Variants in CUL5 observed in about 807,000 individuals in gnomAD.
CUL5 encodes the protein cullin 5.
CUL5 carries 26 observed loss-of-function variants against 108.8 expected under a neutral mutation model. The ratio of observed to expected loss-of-function variants is 0.24; its 90% confidence interval spans 0.18 to 0.33. The LOEUF (loss-of-function observed/expected upper bound fraction) is 0.33, where lower values mean the gene tolerates loss of function less well. Among genes scored for constraint, CUL5 ranks in the 10% least tolerant of loss-of-function variants. The pLI, the probability that CUL5 is intolerant of heterozygous loss-of-function variation, is 1.00. For synonymous variants in CUL5, 334 were observed against 298.0 expected (o/e 1.12, Z -1.25); for missense variants, 524 against 909.2 (o/e 0.58, Z 5.45).
rs1344122720 is a variant in CUL5, at chr11:108,104,213, A to G, written c.2172A>G (p.Lys724=). Residue 724 remains lysine (K), a synonymous_variant, in exon 19 of 19, where the codon AAA becomes AAG. Coordinates refer to ENST00000393094, the MANE Select transcript of CUL5 (RefSeq NM_003478.6). ...RTQEAIIQIM[K]MRKKISNAQL... ...AGGAAGCTATCATACAAATAATGAA[A>G]ATGAGAAAGAAAATTAGTAATGCTC... 1 of 1,579,636 alleles carries G rather than the reference A, an allele frequency of 6.3e-7. No individual in the cohort carries two copies. The highest frequency in any genetic ancestry group is 1.2e-5 in the South Asian group (1 of 84,332).
chr11:108,069,606 A>C (rs1294919008), intron 7 of CUL5, among the ~76,000 whole-genome samples: 1 of 152,166 alleles, frequency 6.6e-6, no homozygotes, highest in Non-Finnish European at 1.5e-5. Flanking sequence ...ATATTTAGTT[A>C]GCAGTGTAGG....
chr11:108,037,476 A>G (rs1201278528), intron 2 of CUL5, among the ~76,000 whole-genome samples: 2 of 152,206 alleles, frequency 1.3e-5, no homozygotes, highest in Admixed American at 6.5e-5. Flanking sequence ...ATTCATGGCT[A>G]TGAATTATTA....
Position 108,008,998 on chromosome 11 carries a change from C to T in CUL5, c.-351C>T, listed in dbSNP as rs1410615975. 1.6e-5 allele frequency: 5 copies of T among 308,702 alleles called. No homozygotes were observed. The highest frequency in any genetic ancestry group is 6.5e-5 in the African/African-American group (3 of 46,300). 19.1% of individuals were successfully genotyped at this position (308,702 alleles called of 1,614,324 possible). ...TGCAGGTGGCCGCGGCGGGTGCAAC[C>T]ACAAAGGCTAATCCGAAGGAGTCGG... On this transcript the variant is annotated 5_prime_UTR_variant, in exon 1 of 19. Transcript: ENST00000393094.
chr11:108,018,521 A>G (rs1453427174), intron 1 of CUL5, among the ~76,000 whole-genome samples: 1 of 149,472 alleles, frequency 6.7e-6, no homozygotes, highest in Admixed American at 6.6e-5. Context: ...AAAAAAATAC[A>G]AAAATTAGCT....
At chr11:108,069,263 T>C (rs576175226) in intron 7 of CUL5, among the ~76,000 whole-genome samples, 1 of 152,210 alleles carries the variant, frequency 6.6e-6, no homozygotes, top group East Asian at 1.9e-4. Flanking sequence ...AGAGCAAGAC[T>C]CTGTCTCTTA....
At position 108,104,571 on chromosome 11, in the gene CUL5, T is replaced by G; in HGVS notation, c.*187T>G. ...AGTTAGCATGATGGCATTCCCTTCATGTTGCACACTCTTTGACAGCATGCT... is the reference window on the plus strand; with the variant it reads ...AGTTAGCATGATGGCATTCCCTTCAGGTTGCACACTCTTTGACAGCATGCT... On this transcript the variant is annotated 3_prime_UTR_variant, in exon 19 of 19. Coordinates refer to ENST00000393094, the MANE Select transcript of CUL5 (RefSeq NM_003478.6). 2.2e-6 allele frequency: 1 copy of G among 450,110 alleles called. No individual in the cohort carries two copies. Among genetic ancestry groups the G allele is most frequent in the Non-Finnish European group, 3.9e-6 (1 of 256,726 alleles). 27.9% of individuals were successfully genotyped at this position (450,110 alleles called of 1,614,324 possible). A position where few individuals can be genotyped will look rare whatever the true frequency, so the allele number is the denominator to read the frequency against.
chr11:108,011,773 G>A (rs904935066), intron 1 of CUL5, among the ~76,000 whole-genome samples: 3 of 151,992 alleles, frequency 2.0e-5, no homozygotes, highest in Non-Finnish European at 4.4e-5. Context: ...GACTACAGGC[G>A]CACGCCACCA....
At chr11:108,072,589 G>T in intron 9 of CUL5, 127 bp downstream of exon 9, 1 of 643,506 alleles carries the variant, frequency 1.6e-6, no homozygotes, top group Non-Finnish European at 2.5e-6. Context: ...TGGTTAGTGG[G>T]GTATAAAGTT....
chr11:108,031,806 T>C (rs1301313405), intron 1 of CUL5, among the ~76,000 whole-genome samples: 2 of 152,178 alleles, frequency 1.3e-5, no homozygotes, highest in Non-Finnish European at 1.5e-5. Context: ...AAAGAAAATG[T>C]GGTACATATA....
intron 7 of CUL5, 72 bp from the exon 8 acceptor site, chr11:108,070,024 T>C: frequency 1.1e-6 from 1 of 943,436 alleles, no homozygotes; most frequent in Non-Finnish European, 1.6e-6. Flanking sequence ...AATATTGTTT[T>C]ATTTTGTGAG....
intron 18 of CUL5, among the ~76,000 whole-genome samples, chr11:108,103,219 GA>G (rs1320749618): frequency 6.6e-6 from 1 of 152,134 alleles, no homozygotes; most frequent in Non-Finnish European, 1.5e-5. Flanking sequence ...AAATCATCAA[GA>G]AAAATTTTGA....
At chr11:108,028,923 G>C (rs1862512453) in intron 1 of CUL5, among the ~76,000 whole-genome samples, 1 of 152,094 alleles carries the variant, frequency 6.6e-6, no homozygotes, top group African/African-American at 2.4e-5. Context: ...CTTTATAATG[G>C]CCTTCAGGGT....
At chr11:108,061,263 A>G (rs1349448832) in intron 7 of CUL5, among the ~76,000 whole-genome samples, 1 of 152,254 alleles carries the variant, frequency 6.6e-6, no homozygotes, top group African/African-American at 2.4e-5. Context: ...GTATATAGTA[A>G]TTTGGTAAAT....
At chr11:108,024,021 A>G (rs187249832) in intron 1 of CUL5, among the ~76,000 whole-genome samples, 1 of 152,298 alleles carries the variant, frequency 6.6e-6, no homozygotes, top group Admixed American at 6.5e-5. Flanking sequence ...AATTTTTATA[A>G]TCATAGATCT....
Position 108,081,090 on chromosome 11 carries a change from C to T in CUL5, c.1178+2850C>T, listed in dbSNP as rs537996233. Among the ~76,000 whole-genome samples the T allele has an allele frequency of 3.3e-5, 5 of 152,032 alleles. No individual in the cohort carries two copies. The South Asian group carries it at 1.0e-3, about 32-fold the overall frequency. On this transcript the variant is annotated intron_variant, in intron 11 of 18. Coordinates refer to ENST00000393094, the MANE Select transcript of CUL5 (RefSeq NM_003478.6). Reference sequence around the variant, plus strand: ...TCACTTGAGGTCAGGAGTTCAAGACCAGCCTGGCCAAGATGGTGAAACCCT... The same window carrying T: ...TCACTTGAGGTCAGGAGTTCAAGACTAGCCTGGCCAAGATGGTGAAACCCT...
intron 1 of CUL5, among the ~76,000 whole-genome samples, chr11:108,016,347 G>C (rs1862190305): frequency 6.6e-6 from 1 of 152,034 alleles, no homozygotes; most frequent in South Asian, 2.1e-4. Context: ...GCTCCCTACA[G>C]CCTTGACCTC....
intron 1 of CUL5, among the ~76,000 whole-genome samples, chr11:108,027,461 A>G (rs556437657): frequency 2.0e-5 from 3 of 152,164 alleles, no homozygotes; most frequent in South Asian, 4.1e-4. Context: ...CAGTAGAGAC[A>G]GGGTTTCACC....
At chr11:108,012,781 G>T (rs1160170329) in intron 1 of CUL5, among the ~76,000 whole-genome samples, 1 of 151,970 alleles carries the variant, frequency 6.6e-6, no homozygotes, top group Admixed American at 6.6e-5. Flanking sequence ...ATTTTTAGTA[G>T]AGACGGGATT....
intron 1 of CUL5, among the ~76,000 whole-genome samples, chr11:108,021,423 G>A (rs1862323681): frequency 6.6e-6 from 1 of 152,162 alleles, no homozygotes; most frequent in Non-Finnish European, 1.5e-5. Context: ...TTTGTCCTAA[G>A]CAAGATGTAG....
Sources: gnomAD v4.1 joint callset for allele counts (sites outside exome capture counted in the v4.1 genomes callset) on GRCh38, gnomAD v4.1.1 for gene constraint, MANE v1.5 for transcripts, NCBI Gene and HGNC (gene_info 2026-07-23, HGNC 2026-07-21) for gene names.